TNS3: variants seen among roughly 807,000 people sequenced by gnomAD.
TNS3 encodes the protein tensin-3.
A neutral mutation model predicts 140.9 loss-of-function variants in TNS3; 45 were observed. The ratio of observed to expected loss-of-function variants is 0.32; its 90% CI spans 0.25 to 0.41. The LOEUF (loss-of-function observed/expected upper bound fraction) is 0.41, where lower values mean the gene tolerates loss of function less well. TNS3 is among the 10% of genes least tolerant of loss of function. TNS3 has a pLI of 1.00. For missense variants in TNS3, 1,716 were observed against 1,906.7 expected, an observed-to-expected ratio of 0.90 and a Z score of 1.86; for synonymous variants, 815 against 788.4, an observed-to-expected ratio of 1.03 and a Z score of -0.56.
In TNS3 at chr7:47,543,909, G is replaced by C. The variant is rs560656730; in HGVS notation, c.-264-14762C>G. ...TGGTGACTTCTGACATCCTTTGCAT[G>C]GTGTTTTTGCCCGCCCTGGGGAAAC... is the stretch of plus-strand genomic sequence containing the variant. On this transcript the variant is annotated intron_variant, in intron 1 of 30. Transcript: ENST00000311160. Among the ~76,000 whole-genome samples, 73 of 152,276 alleles carry C rather than the reference G, an allele frequency of 4.8e-4. 1 individual carries two copies. Among genetic ancestry groups the C allele is most frequent in the African/African-American group, 1.5e-3 (63 of 41,554 alleles).
At chr7:47,501,473 G>A (rs996908221) in intron 3 of TNS3, among the ~76,000 whole-genome samples, 3 of 152,224 alleles carry the variant, frequency 2.0e-5, no homozygotes, top group Non-Finnish European at 4.4e-5. Context: ...GTGCTGGCAG[G>A]AAAGACAGGC....
chr7:47,453,237 G>A (rs536022121), intron 4 of TNS3: 85 of 985,596 alleles, frequency 8.6e-5, no homozygotes, highest in African/African-American at 8.5e-4. Flanking sequence ...AGCCTGCCGA[G>A]GGCCAGCCTG....
chr7:47,282,315 T>A (rs1030639271), intron 28 of TNS3, among the ~76,000 whole-genome samples: 1 of 150,654 alleles, frequency 6.6e-6, no homozygotes, highest in African/African-American at 2.4e-5. Context: ...ACCATGCAGA[T>A]GAGCCATGCC....
chr7:47,511,061 C>A (rs1250701484), intron 2 of TNS3, among the ~76,000 whole-genome samples: 2 of 152,156 alleles, frequency 1.3e-5, no homozygotes, highest in Non-Finnish European at 2.9e-5. Context: ...GTGTTCCACA[C>A]CGGGTAAAAG....
intron 24 of TNS3, among the ~76,000 whole-genome samples, chr7:47,295,290 C>T (rs1405079084): frequency 6.6e-6 from 1 of 152,178 alleles, no homozygotes; most frequent in Non-Finnish European, 1.5e-5. Flanking sequence ...AAAGATAATG[C>T]ATGCAGAAAT....
chr7:47,479,026 T>C (rs1797311355), intron 4 of TNS3, among the ~76,000 whole-genome samples: 1 of 151,998 alleles, frequency 6.6e-6, no homozygotes, highest in Admixed American at 6.6e-5. Flanking sequence ...CAACCACACC[T>C]GTGAAAAGGT....
intron 1 of TNS3, among the ~76,000 whole-genome samples, chr7:47,533,545 C>A (rs936750030): frequency 1.3e-5 from 2 of 151,576 alleles, no homozygotes; most frequent in South Asian, 4.2e-4. Context: ...AAGAACATTA[C>A]CAAGGATATA....
intron 1 of TNS3, among the ~76,000 whole-genome samples, chr7:47,530,592 G>A (rs905639079): frequency 2.0e-5 from 3 of 151,704 alleles, no homozygotes; most frequent in Admixed American, 2.0e-4. Flanking sequence ...GGGAGGCAGA[G>A]GCGGGTGGAT....
rs561126701 is a variant in TNS3 at position 47,293,677 on chromosome 7, G to A, written c.3772+56C>T. 9.6e-5 allele frequency: 145 copies of A among 1,504,018 alleles called. No individual in the cohort carries two copies. In the African/African-American group the frequency reaches 1.9e-3, roughly 20 times the overall value. The allele number at this position is 1,504,018 out of a possible 1,614,324, so 93.2% of individuals were successfully genotyped here. A position where few individuals can be genotyped will look rare whatever the true frequency, so the allele number is the denominator to read the frequency against. On this transcript the variant is annotated intron_variant, in intron 25 of 30. Coordinates refer to ENST00000311160, the MANE Select transcript of TNS3 (RefSeq NM_022748.12). ...CCCAAATCTCAGGTTGGTGAGCAGA[G>A]GGAATCCAGGCCTCATGAGTTCAGA...
chr7:47,439,443 C>T (rs1171474290), intron 6 of TNS3, 44 bp downstream of exon 6: 7 of 1,603,574 alleles, frequency 4.4e-6, no homozygotes, highest in Middle Eastern at 3.6e-4. Flanking sequence ...ACAGTGCCTG[C>T]TGCAGAGCCT....
At chr7:47,412,169 C>T (rs1001531592) in intron 12 of TNS3, among the ~76,000 whole-genome samples, 2 of 152,052 alleles carry the variant, frequency 1.3e-5, no homozygotes, top group African/African-American at 2.4e-5. Context: ...CACAGAGGGC[C>T]CAGAGCAAAC....
chr7:47,338,399 T>C (rs1788755125), intron 20 of TNS3, among the ~76,000 whole-genome samples: 1 of 152,228 alleles, frequency 6.6e-6, no homozygotes, highest in South Asian at 2.1e-4. Context: ...CTGATAGGTG[T>C]GATTTAAATT....
Position 47,303,538 on chromosome 7 carries a change from T to C in TNS3, c.2869A>G (p.Met957Val). ...RQWVESSPKPMVSLLGSGRPT... is the reference protein window; with the variant it reads ...RQWVESSPKPVVSLLGSGRPT... ...CGGCCGCTCCCCAGCAGGGAAACCA[T>C]GGGCTTGGGGCTGCTCTCCACCCAC... Residue 957 changes from methionine to valine, a missense_variant, in exon 22 of 31, where the codon ATG (methionine) becomes GTG (valine). Coordinates refer to ENST00000311160, the MANE Select transcript of TNS3 (RefSeq NM_022748.12). 6.2e-7 allele frequency: 1 copy of C among 1,604,710 alleles called. No individual in the cohort carries two copies. Among genetic ancestry groups the C allele is most frequent in the Non-Finnish European group, 8.5e-7 (1 of 1,178,704 alleles).
At chr7:47,368,228 A>C in intron 17 of TNS3, 137 bp downstream of exon 17, 1 of 952,110 alleles carries the variant, frequency 1.1e-6, no homozygotes, top group Non-Finnish European at 1.4e-6. Flanking sequence ...AAAATTCACA[A>C]GAGTTGAAAC....
intron 4 of TNS3, among the ~76,000 whole-genome samples, chr7:47,451,058 C>T (rs527317083): frequency 1.2e-4 from 19 of 152,318 alleles, no homozygotes; most frequent in African/African-American, 4.6e-4. Context: ...TGTTTGAACC[C>T]AGGAGGTGGA....
intron 10 of TNS3, among the ~76,000 whole-genome samples, chr7:47,421,854 A>T (rs1170961982): frequency 6.6e-6 from 1 of 152,156 alleles, no homozygotes; most frequent in Admixed American, 6.5e-5. Flanking sequence ...TGCTGTTGAG[A>T]CTTCTGAGCT....
At chr7:47,576,593 G>A (rs746190671) in intron 1 of TNS3, among the ~76,000 whole-genome samples, 18 of 152,196 alleles carry the variant, frequency 1.2e-4, no homozygotes, top group Non-Finnish European at 2.1e-4. Context: ...AGAATGCCAG[G>A]ACCAGGCCCC....
chr7:47,442,805 C>T (rs1397005927), intron 4 of TNS3, among the ~76,000 whole-genome samples: 2 of 152,162 alleles, frequency 1.3e-5, no homozygotes, highest in Non-Finnish European at 2.9e-5. Flanking sequence ...GTTGGGGGGA[C>T]ACAGAGCCTC....
intron 1 of TNS3, among the ~76,000 whole-genome samples, chr7:47,534,251 G>A (rs1455339982): frequency 6.6e-6 from 1 of 152,002 alleles, no homozygotes; most frequent in Non-Finnish European, 1.5e-5. Context: ...TCCAGCCTGG[G>A]TTGACAGAGT....
Sources: allele counts gnomAD v4.1 joint callset (sites outside exome capture counted in the v4.1 genomes callset), GRCh38; gene constraint gnomAD v4.1.1; transcripts MANE v1.5; gene names NCBI Gene and HGNC (gene_info 2026-07-23, HGNC 2026-07-21).